Variants in MNAT1 observed in about 807,000 individuals in gnomAD.
The protein encoded by MNAT1 is CDK-activating kinase assembly factor MAT1.
MNAT1 carries 43 observed loss-of-function variants against 42.0 expected under a neutral mutation model. The ratio of observed to expected loss-of-function variants is 1.02; its 90% confidence interval spans 0.80 to 1.32. MNAT1 has a LOEUF of 1.32. Among genes scored for constraint, MNAT1 ranks in the 40% most tolerant of loss-of-function variants. The probability of loss-of-function intolerance (pLI) is 0.00; values close to 1 mark genes in which losing one functional copy is unlikely to be tolerated. For missense variants in MNAT1, 306 were observed against 350.4 expected (o/e 0.87, Z 1.01); for synonymous variants, 118 against 120.0 (o/e 0.98, Z 0.11).
intron 6 of MNAT1, among the ~76,000 whole-genome samples, chr14:60,824,972 A>C (rs2033010287): frequency 7.9e-6 from 1 of 126,746 alleles, no homozygotes; most frequent in African/African-American, 2.8e-5. Flanking sequence ...GATCAATTCC[A>C]GATGGATAAT....
At chr14:60,826,558 A>T (rs551971824) in intron 6 of MNAT1, among the ~76,000 whole-genome samples, 2 of 151,996 alleles carry the variant, frequency 1.3e-5, no homozygotes, top group South Asian at 4.2e-4. Context: ...TGACCTCATG[A>T]TCCACCTGCC....
intron 1 of MNAT1, among the ~76,000 whole-genome samples, chr14:60,762,471 G>T (rs1230375999): frequency 5.9e-5 from 9 of 151,962 alleles, no homozygotes. Context: ...CCTGAGGTTA[G>T]GAGTTCGAGA....
At chr14:60,775,851 G>A (rs567870671) in intron 1 of MNAT1, among the ~76,000 whole-genome samples, 1 of 152,110 alleles carries the variant, frequency 6.6e-6, no homozygotes, top group South Asian at 2.1e-4. Flanking sequence ...AGAGAAGAAA[G>A]TATGAAATGG....
intron 7 of MNAT1, among the ~76,000 whole-genome samples, chr14:60,890,362 G>GTA (rs2034807763): frequency 6.6e-6 from 1 of 152,154 alleles, no homozygotes; most frequent in Admixed American, 6.6e-5. Context: ...CTGAGATACT[G>GTA]GCTTTTAGTT....
At chr14:60,788,649 T>G (rs2031726558) in intron 1 of MNAT1, among the ~76,000 whole-genome samples, 1 of 152,218 alleles carries the variant, frequency 6.6e-6, no homozygotes, top group Non-Finnish European at 1.5e-5. Context: ...GATAACTTGC[T>G]GAAGCCTCCA....
intron 7 of MNAT1, among the ~76,000 whole-genome samples, chr14:60,916,815 C>T (rs559260300): frequency 6.6e-6 from 1 of 151,898 alleles, no homozygotes. Flanking sequence ...TAGCCAGGTG[C>T]GGTTGTGCAT....
intron 7 of MNAT1, among the ~76,000 whole-genome samples, chr14:60,897,101 C>T (rs4151316): frequency 1.3e-5 from 2 of 151,868 alleles, no homozygotes; most frequent in African/African-American, 2.4e-5. Flanking sequence ...AAGTTCATAT[C>T]ACATTTTAAT....
intron 7 of MNAT1, among the ~76,000 whole-genome samples, chr14:60,891,893 T>A (rs2034853377): frequency 6.6e-6 from 1 of 152,164 alleles, no homozygotes; most frequent in Non-Finnish European, 1.5e-5. Context: ...TCCTTGCGAT[T>A]TTTTTTGAAA....
chr14:60,780,598 A>G (rs2031423459), intron 1 of MNAT1: 5 of 1,431,660 alleles, frequency 3.5e-6, no homozygotes, highest in East Asian at 2.3e-5. Flanking sequence ...ATGACTGAAG[A>G]TGACATGAGG....
chr14:60,765,548 A>C (rs974010793), intron 1 of MNAT1, among the ~76,000 whole-genome samples: 1 of 152,208 alleles, frequency 6.6e-6, no homozygotes, highest in African/African-American at 2.4e-5. Context: ...AAAGTTTGGA[A>C]TATAACTAAA....
At chr14:60,916,355 A>ATT (rs2035513169) in intron 7 of MNAT1, among the ~76,000 whole-genome samples, 1 of 152,244 alleles carries the variant, frequency 6.6e-6, no homozygotes, top group Non-Finnish European at 1.5e-5. Context: ...CAAGGGCATT[A>ATT]TATAAATGTA....
intron 1 of MNAT1, among the ~76,000 whole-genome samples, chr14:60,747,850 A>G (rs2029898859): frequency 6.6e-6 from 1 of 152,230 alleles, no homozygotes; most frequent in African/African-American, 2.4e-5. Flanking sequence ...CAGGTGTACA[A>G]AAGTATTTTA....
At position 60,968,580 on chromosome 14, in the gene MNAT1, C is replaced by A. The variant is rs776647961; in HGVS notation, c.*231C>A. 90 of 1,223,536 alleles carry A rather than the reference C, an allele frequency of 7.4e-5. No individual in the cohort carries two copies. The highest frequency in any genetic ancestry group is 9.6e-5 in the Non-Finnish European group (87 of 907,590). 75.8% of individuals were successfully genotyped at this position (1,223,536 alleles called of 1,614,324 possible). ...TCAGAGGATTTGACACGATAAGCCT[C>A]ATCTGATGGAAGAGAGGAATAAATA... On this transcript the variant is annotated 3_prime_UTR_variant, in exon 8 of 8. Coordinates refer to ENST00000261245, the MANE Select transcript of MNAT1 (RefSeq NM_002431.4).
chr14:60,761,757 G>A (rs915450523), intron 1 of MNAT1, among the ~76,000 whole-genome samples: 5 of 152,102 alleles, frequency 3.3e-5, no homozygotes, highest in African/African-American at 1.2e-4. Flanking sequence ...GTTACAGAAT[G>A]ATCTTATCTT....
intron 1 of MNAT1, among the ~76,000 whole-genome samples, chr14:60,744,101 A>T: frequency 6.6e-6 from 1 of 152,134 alleles, no homozygotes. Flanking sequence ...TGTCTGTAAG[A>T]GTTAACTCCT....
At chr14:60,855,298 A>G (rs1268728026) in intron 6 of MNAT1, among the ~76,000 whole-genome samples, 4 of 151,356 alleles carry the variant, frequency 2.6e-5, no homozygotes, top group African/African-American at 9.7e-5. Flanking sequence ...CTCTGGCTTC[A>G]GCCCCCTTTC....
At chr14:60,923,212 G>C (rs912637032) in intron 7 of MNAT1, among the ~76,000 whole-genome samples, 2 of 152,082 alleles carry the variant, frequency 1.3e-5, no homozygotes, top group African/African-American at 4.8e-5. Flanking sequence ...TCACCTAGAG[G>C]GTTTTCTAAA....
intron 1 of MNAT1, among the ~76,000 whole-genome samples, chr14:60,743,531 C>A (rs186743333): frequency 1.3e-5 from 2 of 152,306 alleles, no homozygotes; most frequent in Admixed American, 6.5e-5. Context: ...TCAGGTGATT[C>A]GCCTGCCTCA....
intron 1 of MNAT1, among the ~76,000 whole-genome samples, chr14:60,789,665 G>A (rs1213667860): frequency 6.6e-6 from 1 of 152,102 alleles, no homozygotes; most frequent in Non-Finnish European, 1.5e-5. Flanking sequence ...TATCCCTGAA[G>A]GGGCTTTGAG....
Sources: allele counts gnomAD v4.1 joint callset (sites outside exome capture counted in the v4.1 genomes callset), GRCh38; gene constraint gnomAD v4.1.1; transcripts MANE v1.5; gene names NCBI Gene and HGNC (gene_info 2026-07-23, HGNC 2026-07-21).